Variants in PLCL2 observed in about 807,000 individuals in gnomAD.
PLCL2 encodes inactive phospholipase C-like protein 2.
In PLCL2, 4 loss-of-function variants were observed where a neutral mutation model predicts 79.6. The ratio of observed to expected loss-of-function variants is 0.05; its 90% CI spans 0.02 to 0.11. The LOEUF is 0.11. PLCL2 is among the 10% of genes least tolerant of loss of function. The pLI, the probability that PLCL2 is intolerant of heterozygous loss-of-function variation, is 1.00. For synonymous variants in PLCL2, 484 were observed against 457.7 expected (o/e 1.06, Z -0.73); for missense variants, 895 against 1,291.0 (o/e 0.69, Z 4.70).
intron 1 of PLCL2, among the ~76,000 whole-genome samples, chr3:16,961,869 C>A (rs1343326469): frequency 6.6e-6 from 1 of 152,160 alleles, no homozygotes; most frequent in Non-Finnish European, 1.5e-5. Flanking sequence ...GGGAAAGGGT[C>A]TGAGACAGCT....
At chr3:16,948,009 T>C (rs577075323) in intron 1 of PLCL2, among the ~76,000 whole-genome samples, 50 of 152,352 alleles carry the variant, frequency 3.3e-4, no homozygotes, top group African/African-American at 1.2e-3. Context: ...TTCTAAATCA[T>C]CCAGCAGATA....
intron 1 of PLCL2, among the ~76,000 whole-genome samples, chr3:16,987,842 G>A (rs1239910503): frequency 1.3e-5 from 2 of 152,130 alleles, no homozygotes. Context: ...TTTACTAAAT[G>A]TAAAGGACAG....
At position 16,886,638 on chromosome 3, in the gene PLCL2, G is replaced by C. The variant is rs1992383; in HGVS notation, c.327+1272G>C. ...GACACAATTTGAAGGGTTTGGAGAT[G>C]AAGTGTATTAACTACCTGCAGCACA... On this transcript the variant is annotated intron_variant, in intron 1 of 5. Coordinates refer to ENST00000615277, the MANE Select transcript of PLCL2 (RefSeq NM_001144382.2). The surrounding 1 kb of genome is among the most constrained non-coding windows in gnomAD (Gnocchi z 4.2). Among the ~76,000 whole-genome samples the C allele has an allele frequency of 0.11, 16,712 of 152,244 alleles. 1,104 individuals are homozygous for C. Among genetic ancestry groups the C allele is most frequent in the Admixed American group, 0.18 (2,810 of 15,300 alleles).
At chr3:16,941,981 G>A (rs928079470) in intron 1 of PLCL2, among the ~76,000 whole-genome samples, 3 of 152,028 alleles carry the variant, frequency 2.0e-5, no homozygotes, top group African/African-American at 7.3e-5. Flanking sequence ...TATCTTTTTA[G>A]CCCTAGTGTT....
In PLCL2 at chr3:17,088,771, C is replaced by G. The variant is rs546516537; in HGVS notation, c.3205-962C>G. Among the ~76,000 whole-genome samples the G allele has an allele frequency of 2.0e-5, 3 of 152,302 alleles. No homozygotes were observed. The East Asian group carries it at 5.8e-4, about 29-fold the overall frequency. On this transcript the variant is annotated intron_variant, in intron 5 of 5. Transcript: ENST00000615277. ...CAGCTCCCCACCTCCAAAGAATTCT[C>G]TGGTCCAAAATGTCAAGAGCAAAGA...
intron 1 of PLCL2, among the ~76,000 whole-genome samples, chr3:16,921,440 C>A (rs1697122628): frequency 6.6e-6 from 1 of 152,164 alleles, no homozygotes; most frequent in South Asian, 2.1e-4. Flanking sequence ...CCATTCTTGG[C>A]AAGCTGATAG....
At chr3:17,032,490 A>T (rs954047558) in intron 3 of PLCL2, among the ~76,000 whole-genome samples, 3 of 152,012 alleles carry the variant, frequency 2.0e-5, no homozygotes, top group Non-Finnish European at 4.4e-5. Context: ...TTTTCTTTTA[A>T]TCCTGTAGAT....
intron 3 of PLCL2, among the ~76,000 whole-genome samples, chr3:17,024,705 A>T (rs1449853460): frequency 6.6e-6 from 1 of 152,188 alleles, no homozygotes; most frequent in African/African-American, 2.4e-5. Flanking sequence ...ATTGACGAAA[A>T]TGAAGACTAG....
chr3:16,900,872 G>A (rs550020106), intron 1 of PLCL2, among the ~76,000 whole-genome samples: 279 of 152,308 alleles, frequency 1.8e-3, no homozygotes, highest in African/African-American at 6.4e-3. Flanking sequence ...CATTTTATAC[G>A]TGTAAATTGG....
intron 1 of PLCL2, among the ~76,000 whole-genome samples, chr3:16,971,648 C>T (rs921179177): frequency 6.6e-5 from 10 of 152,146 alleles, no homozygotes; most frequent in African/African-American, 2.4e-4. Context: ...GCGATATGGC[C>T]ATTTTCACGA....
At chr3:17,045,409 C>T (rs1364549948) in intron 4 of PLCL2, among the ~76,000 whole-genome samples, 1 of 152,164 alleles carries the variant, frequency 6.6e-6, no homozygotes. Flanking sequence ...GCTGTGTAAT[C>T]TATTTTTTAC....
intron 1 of PLCL2, among the ~76,000 whole-genome samples, chr3:16,918,548 G>T (rs1697050779): frequency 1.3e-5 from 2 of 152,074 alleles, no homozygotes; most frequent in East Asian, 1.9e-4. Flanking sequence ...GGCTATACTG[G>T]CTCTAAATAG....
At chr3:16,885,765 A>C (rs1696206450) in intron 1 of PLCL2, among the ~76,000 whole-genome samples, 1 of 152,220 alleles carries the variant, frequency 6.6e-6, no homozygotes, top group Non-Finnish European at 1.5e-5. Flanking sequence ...TTTCTTAAAA[A>C]TCCCAGGCGG....
rs781632971 is a variant in PLCL2, at chr3:17,009,655, G to A, written c.328-19G>A. ...CTATATTTATGTTATTCTAATATAC[G>A]GTCTTTTTTTCCTCTCAGGATGGTA... On this transcript the variant is annotated intron_variant, in intron 1 of 5. Coordinates refer to ENST00000615277, the MANE Select transcript of PLCL2 (RefSeq NM_001144382.2). This position sits in a 1 kb window ranked among gnomAD's most constrained non-coding sequence, Gnocchi z 4.0. 1.4e-5 allele frequency: 18 copies of A among 1,290,384 alleles called. No individual in the cohort carries two copies. The highest frequency in any genetic ancestry group is 1.9e-4 in the Middle Eastern group (1 of 5,270). 79.9% of individuals were successfully genotyped at this position (1,290,384 alleles called of 1,614,324 possible).
intron 1 of PLCL2, among the ~76,000 whole-genome samples, chr3:16,951,788 A>G (rs2063654995): frequency 6.6e-6 from 1 of 151,958 alleles, no homozygotes; most frequent in Admixed American, 6.6e-5. Flanking sequence ...AGTGTTTTTA[A>G]ATTTCTGCAT....
intron 5 of PLCL2, among the ~76,000 whole-genome samples, chr3:17,069,619 A>G (rs537491224): frequency 1.3e-5 from 2 of 152,192 alleles, no homozygotes; most frequent in Non-Finnish European, 2.9e-5. Flanking sequence ...ATTCAAGACC[A>G]TAAAGACATT....
In PLCL2 at chr3:17,090,222, G is replaced by T; in HGVS notation, c.*310G>T. Reference sequence around the variant, plus strand: ...GCTCCACTGAGAAACATTTTCCTAAGTGAAAACAATTTCTTAAGATGGAAA... The same window carrying T: ...GCTCCACTGAGAAACATTTTCCTAATTGAAAACAATTTCTTAAGATGGAAA... On this transcript the variant is annotated 3_prime_UTR_variant, in exon 6 of 6. Coordinates refer to ENST00000615277, the MANE Select transcript of PLCL2 (RefSeq NM_001144382.2). The T allele has an allele frequency of 9.8e-7, 1 of 1,019,014 alleles. No individual in the cohort carries two copies. The highest frequency in any genetic ancestry group is 1.2e-6 in the Non-Finnish European group (1 of 850,568). 63.1% of individuals were successfully genotyped at this position (1,019,014 alleles called of 1,614,324 possible).
intron 3 of PLCL2, among the ~76,000 whole-genome samples, chr3:17,042,146 A>G (rs2064729271): frequency 6.6e-6 from 1 of 152,184 alleles, no homozygotes; most frequent in African/African-American, 2.4e-5. Context: ...GTTTCTGGCT[A>G]TCCCATTTCC....
chr3:16,901,856 C>G (rs1696626442), intron 1 of PLCL2, among the ~76,000 whole-genome samples: 1 of 152,182 alleles, frequency 6.6e-6, no homozygotes, highest in Non-Finnish European at 1.5e-5. Context: ...TCTGCATTTG[C>G]TTTCCTTCCA....
Sources: gnomAD v4.1 joint callset for allele counts (sites outside exome capture counted in the v4.1 genomes callset) on GRCh38, gnomAD v4.1.1 for gene constraint, Gnocchi (gnomAD v3.1) non-coding constraint, MANE v1.5 for transcripts, NCBI Gene and HGNC (gene_info 2026-07-23, HGNC 2026-07-21) for gene names.